The following RCAN1 variants were observed in gnomAD, a reference collection of about 807,000 sequenced individuals.
RCAN1 encodes the protein calcipressin-1.
In RCAN1, 11 loss-of-function variants were observed where a neutral mutation model predicts 22.9. The ratio of observed to expected loss-of-function variants is 0.48; its 90% CI spans 0.30 to 0.79. The LOEUF is 0.79. Ranked by LOEUF, RCAN1 falls within the 30% of genes least tolerant of loss-of-function variation. The probability of loss-of-function intolerance (pLI) is 0.06; values close to 1 mark genes in which losing one functional copy is unlikely to be tolerated. For synonymous variants in RCAN1, 136 were observed against 142.3 expected, an observed-to-expected ratio of 0.96 and a Z score of 0.32; for missense variants, 291 against 337.8, an observed-to-expected ratio of 0.86 and a Z score of 1.09.
At chr21:34,532,231 G>C (rs140384103) in intron 1 of RCAN1, among the ~76,000 whole-genome samples, 2 of 152,070 alleles carry the variant, frequency 1.3e-5, no homozygotes, top group Non-Finnish European at 2.9e-5. Flanking sequence ...TATTAAGGGT[G>C]GGGGGGTTCC....
chr21:34,527,095 T>C, intron 1 of RCAN1: 1 of 465,834 alleles, frequency 2.1e-6, no homozygotes, highest in Non-Finnish European at 3.0e-6. Context: ...TTTATCAACC[T>C]CTCTTGCAGC....
intron 1 of RCAN1, among the ~76,000 whole-genome samples, chr21:34,583,505 C>A (rs146457269): frequency 6.6e-6 from 1 of 152,208 alleles, no homozygotes; most frequent in African/African-American, 2.4e-5. Context: ...CTAATCTGAT[C>A]GGTGTCTTTG....
intron 1 of RCAN1, among the ~76,000 whole-genome samples, chr21:34,584,518 T>C (rs1318894672): frequency 1.3e-5 from 2 of 152,228 alleles, no homozygotes; most frequent in African/African-American, 2.4e-5. Flanking sequence ...AGGTTTTCTC[T>C]TACTGACCAC....
intron 1 of RCAN1, among the ~76,000 whole-genome samples, chr21:34,552,374 G>T (rs1196108546): frequency 6.6e-6 from 1 of 152,270 alleles, no homozygotes; most frequent in East Asian, 1.9e-4. Flanking sequence ...TAAGGTAGAG[G>T]GGGAGGAAGA....
Position 34,543,443 on chromosome 21 carries a change from G to A in RCAN1, c.253-19733C>T, listed in dbSNP as rs548483699. 9.2e-5 allele frequency among the ~76,000 whole-genome samples: 14 copies of A among 152,282 alleles called. 1 individual carries two copies. The highest frequency in any genetic ancestry group is 3.1e-4 in the African/African-American group (13 of 41,558). ...GGAACCTGGGAAAAGGCAACGAAAC[G>A]GATTTTGCCCTAGAAGTAACGCAGC... On this transcript the variant is annotated intron_variant, in intron 1 of 3. Transcript: ENST00000313806.
intron 1 of RCAN1, among the ~76,000 whole-genome samples, chr21:34,586,030 C>T (rs888846211): frequency 1.3e-5 from 2 of 152,052 alleles, no homozygotes; most frequent in Non-Finnish European, 2.9e-5. Context: ...AATATAGCCT[C>T]AAATCTATAT....
At chr21:34,521,259 G>A (rs1234518804) in intron 3 of RCAN1, 3 of 1,439,076 alleles carry the variant, frequency 2.1e-6, no homozygotes, top group Non-Finnish European at 2.7e-6. Flanking sequence ...TGCGGGGGGT[G>A]GAGGGGCGTG....
At chr21:34,600,198 G>C (rs569065992) in intron 1 of RCAN1, among the ~76,000 whole-genome samples, 37 of 152,216 alleles carry the variant, frequency 2.4e-4, no homozygotes, top group African/African-American at 8.7e-4. Context: ...CGTTTTTAAA[G>C]GTTAGTTCAT....
At chr21:34,524,237 C>T (rs1984832460) in intron 1 of RCAN1, 1 of 152,894 alleles carries the variant, frequency 6.5e-6, no homozygotes, top group African/African-American at 2.4e-5. Context: ...TTATTACATT[C>T]ATCGAATCAG....
rs1461168832 is a variant in RCAN1, at chr21:34,531,579, C to A, written c.253-7869G>T. ...ATGTGCAAGTCTGACACATAAAAAT[C>A]CCTGATGCTGACCAAGCTCGGTCAC... On this transcript the variant is annotated intron_variant, in intron 1 of 3. Coordinates refer to ENST00000313806, the MANE Select transcript of RCAN1 (RefSeq NM_004414.7). Among the ~76,000 whole-genome samples the A allele has an allele frequency of 2.6e-5, 4 of 152,312 alleles. No individual in the cohort carries two copies. The East Asian group carries it at 7.7e-4, about 29-fold the overall frequency.
intron 1 of RCAN1, among the ~76,000 whole-genome samples, chr21:34,533,665 CA>C (rs1985534790): frequency 6.6e-6 from 1 of 152,182 alleles, no homozygotes; most frequent in Admixed American, 6.5e-5. Context: ...AGACACAAAA[CA>C]AGATAGATGG....
At chr21:34,566,413 T>A (rs1987009221) in intron 1 of RCAN1, among the ~76,000 whole-genome samples, 1 of 152,232 alleles carries the variant, frequency 6.6e-6, no homozygotes, top group South Asian at 2.1e-4. Flanking sequence ...ATGTTCCATT[T>A]TCCTTCCTTG....
intron 1 of RCAN1, among the ~76,000 whole-genome samples, chr21:34,544,337 T>C (rs1304816849): frequency 6.6e-6 from 1 of 152,160 alleles, no homozygotes; most frequent in African/African-American, 2.4e-5. Flanking sequence ...ATTCTGAAGA[T>C]GGAGGGGGCC....
intron 1 of RCAN1, among the ~76,000 whole-genome samples, chr21:34,609,488 C>T (rs1479056680): frequency 6.6e-6 from 1 of 152,136 alleles, no homozygotes; most frequent in African/African-American, 2.4e-5. Flanking sequence ...CAAACAGGCC[C>T]TGCGGTGATA....
At chr21:34,543,580 G>A (rs1986009616) in intron 1 of RCAN1, among the ~76,000 whole-genome samples, 2 of 152,188 alleles carry the variant, frequency 1.3e-5, no homozygotes, top group African/African-American at 4.8e-5. Context: ...TTGGTAATCT[G>A]TTACATCAGC....
chr21:34,521,439 T>C (rs8131131), intron 3 of RCAN1, 60 bp downstream of exon 3: 705,489 of 1,610,388 alleles, frequency 0.44, 161,931 homozygotes, highest in East Asian at 0.83. Flanking sequence ...TACTGCTCCC[T>C]GGTGCAGGGC....
intron 1 of RCAN1, among the ~76,000 whole-genome samples, chr21:34,577,236 A>C (rs1987438638): frequency 6.6e-6 from 1 of 152,234 alleles, no homozygotes; most frequent in South Asian, 2.1e-4. Context: ...TACCTTATGA[A>C]CAACAGATAA....
intron 1 of RCAN1, among the ~76,000 whole-genome samples, chr21:34,561,537 T>G (rs908650463): frequency 1.9e-4 from 29 of 152,212 alleles, no homozygotes; most frequent in South Asian, 8.3e-4. Flanking sequence ...ACATTTGAAA[T>G]AGTGAAATCT....
At position 34,521,515 on chromosome 21, in the gene RCAN1, G is replaced by A; in HGVS notation, c.570C>T (p.Ile190=). The change falls in exon 3 of 4, where the codon ATC becomes ATT. Residue 190 remains isoleucine (I), a synonymous_variant. Transcript: ENST00000313806. ...CCTGCTCACCTGGCCCCAGCTTGGA[G>A]ATGGCATATAAGAGATCATAGTTTA... ...PVINYDLLYA[I]SKLGPGEKYE... is the part of the protein sequence containing the mutation. 2 of 1,614,212 alleles carry A rather than the reference G, an allele frequency of 1.2e-6. No individual in the cohort carries two copies. Among genetic ancestry groups the A allele is most frequent in the Non-Finnish European group, 1.7e-6 (2 of 1,180,044 alleles).
Sources: gnomAD v4.1 joint callset for allele counts (sites outside exome capture counted in the v4.1 genomes callset) on GRCh38, gnomAD v4.1.1 for gene constraint, MANE v1.5 for transcripts, NCBI Gene and HGNC (gene_info 2026-07-23, HGNC 2026-07-21) for gene names.